LMX1A: variants seen among roughly 807,000 people sequenced by gnomAD.
The protein encoded by LMX1A is LIM homeobox transcription factor 1-alpha.
In LMX1A, 15 loss-of-function variants were observed where a neutral mutation model predicts 49.1. The observed-to-expected ratio is 0.31, with a 90% confidence interval of 0.20 to 0.47. The LOEUF is 0.47. Among genes scored for constraint, LMX1A ranks in the 20% least tolerant of loss-of-function variants. LMX1A has a pLI of 1.00. For synonymous variants in LMX1A, 167 were observed against 185.7 expected (o/e 0.90, Z 0.82); for missense variants, 372 against 475.8 (o/e 0.78, Z 2.03).
intron 3 of LMX1A, among the ~76,000 whole-genome samples, chr1:165,262,658 G>T (rs1001363459): frequency 2.0e-5 from 3 of 152,008 alleles, no homozygotes; most frequent in Non-Finnish European, 2.9e-5. Flanking sequence ...GCTAAACTTT[G>T]TCACTTCATG....
At chr1:165,317,980 G>A (rs943944126) in intron 3 of LMX1A, among the ~76,000 whole-genome samples, 2 of 152,204 alleles carry the variant, frequency 1.3e-5, no homozygotes, top group African/African-American at 4.8e-5. Flanking sequence ...GGCAGGGAAG[G>A]GAAGCAAAGC....
Position 165,302,965 on chromosome 1 carries a change from T to C in LMX1A, c.263+50111A>G, listed in dbSNP as rs1210121841. 2.0e-5 allele frequency among the ~76,000 whole-genome samples: 3 copies of C among 152,236 alleles called. No individual in the cohort carries two copies. The East Asian group carries it at 5.8e-4, about 29-fold the overall frequency. The stretch of plus-strand genomic sequence containing the variant: ...CTATGTTGTTTGGAACACTTCTTGC[T>C]CCACACTACTCCCTTCATTACTTTG... On this transcript the variant is annotated intron_variant, in intron 3 of 8. Coordinates refer to ENST00000342310, the MANE Select transcript of LMX1A (RefSeq NM_177398.4).
intron 3 of LMX1A, among the ~76,000 whole-genome samples, chr1:165,275,016 T>C (rs1653922123): frequency 6.6e-6 from 1 of 152,238 alleles, no homozygotes; most frequent in African/African-American, 2.4e-5. Context: ...GATTTCATTT[T>C]GCCAGAGTGA....
intron 3 of LMX1A, among the ~76,000 whole-genome samples, chr1:165,299,646 A>G (rs1307542419): frequency 1.3e-5 from 2 of 152,126 alleles, no homozygotes; most frequent in African/African-American, 4.8e-5. Flanking sequence ...CTGCAAATCG[A>G]CCATGAAGAA....
intron 3 of LMX1A, among the ~76,000 whole-genome samples, chr1:165,307,493 G>A (rs1045930203): frequency 6.6e-6 from 1 of 152,176 alleles, no homozygotes; most frequent in Non-Finnish European, 1.5e-5. Flanking sequence ...GTTACAAAGG[G>A]GCCTATGCCA....
intron 3 of LMX1A, among the ~76,000 whole-genome samples, chr1:165,322,208 C>A (rs756602999): frequency 6.6e-6 from 1 of 151,932 alleles, no homozygotes; most frequent in Non-Finnish European, 1.5e-5. Flanking sequence ...GAAATTGTAA[C>A]CCTCATATAT....
intron 3 of LMX1A, among the ~76,000 whole-genome samples, chr1:165,283,273 C>T (rs1199325992): frequency 6.6e-6 from 1 of 152,178 alleles, no homozygotes; most frequent in Non-Finnish European, 1.5e-5. Flanking sequence ...TAGGTTCTAC[C>T]ACACAGCCTA....
chr1:165,261,281 T>C (rs1356276475), intron 3 of LMX1A, among the ~76,000 whole-genome samples: 1 of 152,190 alleles, frequency 6.6e-6, no homozygotes, highest in Non-Finnish European at 1.5e-5. Flanking sequence ...TTAACACTTT[T>C]TATTCTTCAA....
intron 3 of LMX1A, among the ~76,000 whole-genome samples, chr1:165,302,318 C>A (rs377056539): frequency 6.6e-5 from 10 of 151,946 alleles, no homozygotes; most frequent in Admixed American, 5.9e-4. Context: ...GTGGTGCATG[C>A]GTGTAATCCC....
At chr1:165,219,727 A>C in intron 4 of LMX1A, among the ~76,000 whole-genome samples, 1 of 152,328 alleles carries the variant, frequency 6.6e-6, no homozygotes, top group African/African-American at 2.4e-5. Flanking sequence ...TTCTGGTAAA[A>C]GATTTGACTT....
chr1:165,208,513 A>G (rs1293756957), intron 6 of LMX1A, among the ~76,000 whole-genome samples: 1 of 152,228 alleles, frequency 6.6e-6, no homozygotes, highest in Non-Finnish European at 1.5e-5. Context: ...GATTTGGGGT[A>G]AGCTAAGAGG....
At chr1:165,245,885 C>T (rs1176546718) in intron 4 of LMX1A, among the ~76,000 whole-genome samples, 1 of 151,926 alleles carries the variant, frequency 6.6e-6, no homozygotes. Context: ...TCCACTGCCA[C>T]ACCAGCCTTC....
chr1:165,255,627 C>T, intron 3 of LMX1A, among the ~76,000 whole-genome samples: 1 of 152,140 alleles, frequency 6.6e-6, no homozygotes, highest in Non-Finnish European at 1.5e-5. Context: ...TATCATTTGA[C>T]CTTTGCAGAT....
intron 3 of LMX1A, among the ~76,000 whole-genome samples, chr1:165,265,203 C>CAAAA (rs528674072): frequency 7.4e-5 from 9 of 121,416 alleles, no homozygotes; most frequent in African/African-American, 2.1e-4. Context: ...GACTCTGTCT[C>CAAAA]AAAAAAAAAA....
chr1:165,337,531 A>C (rs980613612), intron 3 of LMX1A, among the ~76,000 whole-genome samples: 2 of 152,196 alleles, frequency 1.3e-5, no homozygotes, highest in African/African-American at 2.4e-5. Flanking sequence ...GGCCGTCATG[A>C]GGTGCATTGT....
intron 3 of LMX1A, among the ~76,000 whole-genome samples, chr1:165,306,222 T>C (rs182740690): frequency 6.6e-6 from 1 of 152,242 alleles, no homozygotes; most frequent in Non-Finnish European, 1.5e-5. Flanking sequence ...TGTAACCTTG[T>C]GTGATATTTT....
intron 3 of LMX1A, among the ~76,000 whole-genome samples, chr1:165,283,334 G>C (rs534790503): frequency 6.6e-6 from 1 of 152,172 alleles, no homozygotes; most frequent in Non-Finnish European, 1.5e-5. Flanking sequence ...TACAATCTGT[G>C]ATGTTCACAT....
At chr1:165,304,965 C>T (rs1654882144) in intron 3 of LMX1A, among the ~76,000 whole-genome samples, 1 of 152,196 alleles carries the variant, frequency 6.6e-6, no homozygotes, top group Non-Finnish European at 1.5e-5. Flanking sequence ...CCTCATGCTC[C>T]AGTTATAACC....
In LMX1A at chr1:165,249,389, C is replaced by T. The variant is rs1321167222; in HGVS notation, c.496+19G>A. On this transcript the variant is annotated intron_variant, in intron 4 of 8. Transcript: ENST00000342310. ...CTCTACCCACCCCACCGCAGCCCTG[C>T]CCACCACCTGGCACTCACCTGAGTC... 4 of 1,586,828 alleles carry T rather than the reference C, an allele frequency of 2.5e-6. No homozygotes were observed. Among genetic ancestry groups the T allele is most frequent in the Non-Finnish European group, 2.6e-6 (3 of 1,155,130 alleles).
Sources: gnomAD v4.1 joint callset for allele counts (sites outside exome capture counted in the v4.1 genomes callset) on GRCh38, gnomAD v4.1.1 for gene constraint, MANE v1.5 for transcripts, NCBI Gene and HGNC (gene_info 2026-07-23, HGNC 2026-07-21) for gene names.